Variants in PRKCQ observed in about 807,000 individuals in gnomAD.
PRKCQ encodes protein kinase C theta, also known as protein kinase C theta type.
A neutral mutation model predicts 91.2 loss-of-function variants in PRKCQ; 41 were observed. That is an observed-to-expected ratio of 0.45 (90% CI 0.35 to 0.58). The LOEUF (loss-of-function observed/expected upper bound fraction) is 0.58. Ranked by LOEUF, PRKCQ falls within the 20% of genes least tolerant of loss-of-function variation. The pLI is 0.00. For missense variants in PRKCQ, 673 were observed against 896.5 expected (o/e 0.75, Z 3.18); for synonymous variants, 307 against 316.9 (o/e 0.97, Z 0.33).
intron 15 of PRKCQ, among the ~76,000 whole-genome samples, chr10:6,454,623 G>C (rs536666192): frequency 6.6e-6 from 1 of 152,118 alleles, no homozygotes; most frequent in South Asian, 2.1e-4. Flanking sequence ...AGAAAGAAAA[G>C]GAAAGAGTGA....
chr10:6,564,153 G>C (rs1840743545), intron 1 of PRKCQ, among the ~76,000 whole-genome samples: 1 of 152,098 alleles, frequency 6.6e-6, no homozygotes, highest in Non-Finnish European at 1.5e-5. Flanking sequence ...CAAAGATTCG[G>C]GATTCTATTT....
At chr10:6,525,771 G>A (rs113856941) in intron 1 of PRKCQ, among the ~76,000 whole-genome samples, 1,719 of 152,250 alleles carry the variant, frequency 0.011, 34 homozygotes, top group African/African-American at 0.039. Context: ...TGGTTTCTTT[G>A]AGGGGGATCT....
chr10:6,436,320 T>C (rs894278929), intron 16 of PRKCQ, among the ~76,000 whole-genome samples: 13 of 152,334 alleles, frequency 8.5e-5, no homozygotes, highest in African/African-American at 2.6e-4. Flanking sequence ...TAAATAATTA[T>C]AGATTCACAG....
chr10:6,563,671 G>T (rs1271545218), intron 1 of PRKCQ, among the ~76,000 whole-genome samples: 2 of 152,012 alleles, frequency 1.3e-5, no homozygotes, highest in African/African-American at 2.4e-5. Flanking sequence ...CCTGTACAGG[G>T]TTTTCTGGTC....
At chr10:6,438,462 G>A (rs760123654) in intron 16 of PRKCQ, among the ~76,000 whole-genome samples, 5 of 152,182 alleles carry the variant, frequency 3.3e-5, no homozygotes, top group South Asian at 4.1e-4. Flanking sequence ...AATATAGCAC[G>A]AACAAGGCTA....
intron 16 of PRKCQ, among the ~76,000 whole-genome samples, chr10:6,440,958 A>G (rs1468177525): frequency 1.3e-5 from 2 of 152,204 alleles, no homozygotes; most frequent in Non-Finnish European, 2.9e-5. Context: ...ACTGCACTGC[A>G]GCCTGGGTGA....
At chr10:6,577,809 T>C (rs1284992490) in intron 1 of PRKCQ, among the ~76,000 whole-genome samples, 1 of 152,198 alleles carries the variant, frequency 6.6e-6, no homozygotes, top group Non-Finnish European at 1.5e-5. Flanking sequence ...TAATTCCTAA[T>C]TTCCAGAAAG....
intron 2 of PRKCQ, among the ~76,000 whole-genome samples, chr10:6,511,892 T>G (rs887027776): frequency 2.6e-5 from 4 of 152,020 alleles, no homozygotes; most frequent in African/African-American, 9.7e-5. Flanking sequence ...ATGGGACTAT[T>G]GGGTTGGTTT....
chr10:6,545,919 G>A (rs1373422342), intron 1 of PRKCQ, among the ~76,000 whole-genome samples: 4 of 152,090 alleles, frequency 2.6e-5, no homozygotes, highest in East Asian at 3.9e-4. Context: ...GGGGAGAATC[G>A]CTTGAACCCA....
chr10:6,549,822 C>T (rs535936986), intron 1 of PRKCQ, among the ~76,000 whole-genome samples: 42 of 151,376 alleles, frequency 2.8e-4, no homozygotes, highest in Non-Finnish European at 5.6e-4. Context: ...GTAGAGACAG[C>T]GCTCTCCCCA....
At chr10:6,456,590 CCTT>C (rs1835019622) in intron 15 of PRKCQ, 81 bp downstream of exon 15, 2 of 1,518,952 alleles carry the variant, frequency 1.3e-6, no homozygotes, top group East Asian at 2.3e-5. Context: ...ATATTTAAAA[CCTT>C]CTGATTTTCA....
the PRKCQ span, among the ~76,000 whole-genome samples, chr10:6,416,772 TC>T: frequency 6.6e-6 from 1 of 152,214 alleles, no homozygotes; most frequent in East Asian, 1.9e-4. Context: ...TACTTTTGGT[TC>T]TTCAAGGAAT....
At chr10:6,488,470 C>T (rs1034632650) in intron 8 of PRKCQ, among the ~76,000 whole-genome samples, 6 of 151,456 alleles carry the variant, frequency 4.0e-5, no homozygotes, top group African/African-American at 7.3e-5. Flanking sequence ...ACTGCAACCT[C>T]GGCCTCCCGG....
the PRKCQ span, among the ~76,000 whole-genome samples, chr10:6,395,065 T>G: frequency 1.4e-5 from 2 of 145,840 alleles, no homozygotes; most frequent in African/African-American, 5.2e-5. Context: ...TCTTTTTTTT[T>G]TTTTTTTTTT....
rs1836738971 is a variant in PRKCQ, at chr10:6,483,667, C to G, written c.1019-67G>C. On this transcript the variant is annotated intron_variant, in intron 10 of 17. Coordinates refer to ENST00000263125, the MANE Select transcript of PRKCQ (RefSeq NM_006257.5). ...TGGAGGTCATTCTAGTTACTGAGAG[C>G]ACATGCTTTCTCTTCTACTTCCCAT... is the stretch of plus-strand genomic sequence containing the variant. The G allele has an allele frequency of 1.9e-6, 3 of 1,552,092 alleles. No homozygotes were observed. The Admixed American group carries it at 5.5e-5, about 28-fold the overall frequency.
chr10:6,395,208 T>C, the PRKCQ span, among the ~76,000 whole-genome samples: 1,619 of 151,946 alleles, frequency 0.011, 29 homozygotes, highest in African/African-American at 0.035. Context: ...GGACTACAGG[T>C]GCCTGCCACC....
rs1172841289 is a variant in PRKCQ at position 6,458,371 on chromosome 10, C to T, written c.1509-1559G>A. Among the ~76,000 whole-genome samples the T allele has an allele frequency of 3.3e-5, 5 of 152,178 alleles. No homozygotes were observed. The South Asian group carries it at 6.2e-4, about 19-fold the overall frequency. On this transcript the variant is annotated intron_variant, in intron 14 of 17. Coordinates refer to ENST00000263125, the MANE Select transcript of PRKCQ (RefSeq NM_006257.5). The stretch of plus-strand genomic sequence containing the variant: ...GAGCCAGCTGGAGAGGGCAGAGAAC[C>T]CAGAGGCCCAGGGTATTCTGAGGCA...
In PRKCQ at chr10:6,430,755, G is replaced by T. The variant is rs1833370798; in HGVS notation, c.1965+55C>A. ...CTGCGGTGACTTGGACAGGCAGACG[G>T]CCCTGAGCGGAGGGAGAGTGGCTGA... On this transcript the variant is annotated intron_variant, in intron 17 of 17. Coordinates refer to ENST00000263125, the MANE Select transcript of PRKCQ (RefSeq NM_006257.5). This position sits in a 1 kb window ranked among gnomAD's most constrained non-coding sequence, Gnocchi z 4.7. 10 of 1,591,136 alleles carry T rather than the reference G, an allele frequency of 6.3e-6. No individual in the cohort carries two copies. In the East Asian group the frequency reaches 1.8e-4, roughly 29 times the overall value.
At chr10:6,481,996 C>CT (rs143551186) in intron 11 of PRKCQ, among the ~76,000 whole-genome samples, 29,377 of 141,786 alleles carry the variant, frequency 0.21, 3,326 homozygotes, top group Non-Finnish European at 0.26. Flanking sequence ...CTCACCTCCC[C>CT]TTTTTTTTTT....
Sources: gnomAD v4.1 joint callset for allele counts (sites outside exome capture counted in the v4.1 genomes callset) on GRCh38, gnomAD v4.1.1 for gene constraint, Gnocchi (gnomAD v3.1) non-coding constraint, MANE v1.5 for transcripts, NCBI Gene and HGNC (gene_info 2026-07-23, HGNC 2026-07-21) for gene names.